NRXN1: variants seen among roughly 807,000 people sequenced by gnomAD.
NRXN1 encodes neurexin 1, also known as neurexin-1.
In NRXN1, 39 loss-of-function variants were observed where a neutral mutation model predicts 150.9. The ratio of observed to expected loss-of-function variants is 0.26; its 90% CI spans 0.20 to 0.34. The LOEUF is 0.34. NRXN1 is among the 10% of genes least tolerant of loss of function. The pLI is 1.00. For missense variants in NRXN1, 1,815 were observed against 1,949.9 expected (o/e 0.93, Z 1.30); for synonymous variants, 924 against 757.0 (o/e 1.22, Z -3.62).
At chr2:50,574,294 G>A (rs1233265403) in intron 8 of NRXN1, among the ~76,000 whole-genome samples, 1 of 151,822 alleles carries the variant, frequency 6.6e-6, no homozygotes, top group African/African-American at 2.4e-5. Flanking sequence ...ATATCCAAAT[G>A]ATTTAAGAGG....
intron 5 of NRXN1, among the ~76,000 whole-genome samples, chr2:50,728,106 T>C (rs1697620126): frequency 6.6e-6 from 1 of 152,180 alleles, no homozygotes; most frequent in African/African-American, 2.4e-5. Flanking sequence ...CTGTTAGATG[T>C]AGTGACATTG....
chr2:50,263,478 A>G (rs1298528825), intron 17 of NRXN1, among the ~76,000 whole-genome samples: 3 of 152,090 alleles, frequency 2.0e-5, no homozygotes, highest in Non-Finnish European at 4.4e-5. Flanking sequence ...TAGGTCTTCA[A>G]ACACATATGA....
At chr2:50,722,065 A>T (rs1476353326) in intron 5 of NRXN1, among the ~76,000 whole-genome samples, 1 of 152,088 alleles carries the variant, frequency 6.6e-6, no homozygotes, top group Non-Finnish European at 1.5e-5. Context: ...AAAAATGGTG[A>T]TCATAATATA....
intron 19 of NRXN1, among the ~76,000 whole-genome samples, chr2:50,066,327 AT>A (rs1237682351): frequency 1.3e-5 from 2 of 152,222 alleles, no homozygotes; most frequent in Admixed American, 6.5e-5. Flanking sequence ...AAGTTAAAAA[AT>A]AAAAGATTTA....
chr2:50,905,490 G>C (rs963622475), intron 5 of NRXN1, among the ~76,000 whole-genome samples: 1 of 152,094 alleles, frequency 6.6e-6, no homozygotes, highest in African/African-American at 2.4e-5. Context: ...CTATGAACCA[G>C]AAAGCTACCA....
intron 17 of NRXN1, among the ~76,000 whole-genome samples, chr2:50,454,191 T>G (rs760482657): frequency 6.6e-6 from 1 of 152,098 alleles, no homozygotes; most frequent in Non-Finnish European, 1.5e-5. Flanking sequence ...TGGGGCGTAG[T>G]GGCGCATGCC....
intron 5 of NRXN1, among the ~76,000 whole-genome samples, chr2:50,808,644 T>A (rs1176478232): frequency 6.6e-6 from 1 of 152,072 alleles, no homozygotes; most frequent in African/African-American, 2.4e-5. Context: ...AGCATAGTGT[T>A]TTCTGACTCT....
At chr2:50,085,682 T>C (rs1332416367) in intron 19 of NRXN1, among the ~76,000 whole-genome samples, 1 of 22,248 alleles carries the variant, frequency 4.5e-5, no homozygotes. Context: ...TAATTTATCA[T>C]ATAAATTATA....
chr2:50,428,621 G>A (rs1342413056), intron 17 of NRXN1, among the ~76,000 whole-genome samples: 3 of 152,148 alleles, frequency 2.0e-5, no homozygotes, highest in Admixed American at 6.5e-5. Flanking sequence ...GAGGCGGGAC[G>A]GGGAAGTGGG....
intron 17 of NRXN1, among the ~76,000 whole-genome samples, chr2:50,403,053 G>T (rs765936560): frequency 6.6e-6 from 1 of 152,068 alleles, no homozygotes; most frequent in South Asian, 2.1e-4. Context: ...ATCATCAAAA[G>T]GTAATCCAGG....
rs183815902 is a variant in NRXN1, at chr2:50,998,579, A to C, written c.772+28923T>G. 6.4e-4 allele frequency among the ~76,000 whole-genome samples: 97 copies of C among 152,202 alleles called. 1 individual carries two copies. The highest frequency in any genetic ancestry group is 2.3e-3 in the African/African-American group (94 of 41,566). On this transcript the variant is annotated intron_variant, in intron 2 of 22. Coordinates refer to ENST00000401669, the MANE Select transcript of NRXN1 (RefSeq NM_001330078.2). The stretch of plus-strand genomic sequence containing the variant: ...GGTGGACACAACATACAGAAATCCT[A>C]TTAAGCATATGATTTCATGAAGGTA...
chr2:50,456,270 T>C (rs1432418934), intron 17 of NRXN1, among the ~76,000 whole-genome samples: 1 of 152,128 alleles, frequency 6.6e-6, no homozygotes, highest in Non-Finnish European at 1.5e-5. Context: ...TGTACCTTCC[T>C]ATCTCACCAA....
chr2:50,385,713 A>G (rs1266782570), intron 17 of NRXN1, among the ~76,000 whole-genome samples: 1 of 152,144 alleles, frequency 6.6e-6, no homozygotes, highest in Non-Finnish European at 1.5e-5. Flanking sequence ...CATCACTTAG[A>G]ATACCAACAA....
intron 17 of NRXN1, among the ~76,000 whole-genome samples, chr2:50,327,017 T>C (rs1414417269): frequency 6.6e-6 from 1 of 152,192 alleles, no homozygotes. Context: ...TCTAACAAAG[T>C]TAAACAAAAT....
chr2:50,775,781 T>C (rs1703544476), intron 5 of NRXN1, among the ~76,000 whole-genome samples: 1 of 152,158 alleles, frequency 6.6e-6, no homozygotes, highest in Non-Finnish European at 1.5e-5. Context: ...GCTGGTACTT[T>C]TGTCTTAACA....
intron 17 of NRXN1, among the ~76,000 whole-genome samples, chr2:50,299,681 T>A (rs755419268): frequency 5.3e-5 from 8 of 152,198 alleles, no homozygotes; most frequent in Non-Finnish European, 8.8e-5. Flanking sequence ...TTCTTTATTT[T>A]TAAAAGTTAA....
intron 5 of NRXN1, among the ~76,000 whole-genome samples, chr2:50,651,861 A>G (rs1225705132): frequency 2.0e-5 from 3 of 152,022 alleles, no homozygotes; most frequent in African/African-American, 7.2e-5. Flanking sequence ...CTGCACAACA[A>G]TAGTCTACCC....
chr2:50,754,449 A>G (rs1024326337), intron 5 of NRXN1, among the ~76,000 whole-genome samples: 2 of 151,850 alleles, frequency 1.3e-5, no homozygotes. Context: ...AAATGCCACA[A>G]TTTTCATTAT....
chr2:50,399,487 G>C (rs1162049556), intron 17 of NRXN1, among the ~76,000 whole-genome samples: 1 of 151,922 alleles, frequency 6.6e-6, no homozygotes, highest in Non-Finnish European at 1.5e-5. Context: ...TTTTAGGCAT[G>C]TTCTGTTCAG....
Sources: gnomAD v4.1 joint callset for allele counts (sites outside exome capture counted in the v4.1 genomes callset) on GRCh38, gnomAD v4.1.1 for gene constraint, MANE v1.5 for transcripts, NCBI Gene and HGNC (gene_info 2026-07-23, HGNC 2026-07-21) for gene names.